Variants in ARMC2 observed in about 807,000 individuals in gnomAD.
ARMC2 encodes armadillo repeat-containing protein 2.
Under a neutral mutation model 90.3 loss-of-function variants are expected in ARMC2, and 67 were observed. That is an observed-to-expected ratio of 0.74 (90% CI 0.61 to 0.91). The LOEUF (loss-of-function observed/expected upper bound fraction) is 0.91. Among genes scored for constraint, ARMC2 ranks in the 40% least tolerant of loss-of-function variants. The pLI is 0.00. For missense variants in ARMC2, 920 were observed against 1,030.9 expected, an observed-to-expected ratio of 0.89 and a Z score of 1.47; for synonymous variants, 393 against 393.0, an observed-to-expected ratio of 1.00 and a Z score of 0.00.
the ARMC2 span, among the ~76,000 whole-genome samples, chr6:109,012,069 A>C: frequency 1.3e-5 from 2 of 152,084 alleles, no homozygotes; most frequent in African/African-American, 2.4e-5. Flanking sequence ...GCTCCTCTCA[A>C]CCTCTAGGGC....
intron 3 of ARMC2, among the ~76,000 whole-genome samples, chr6:108,867,494 C>G (rs1399030260): frequency 1.3e-5 from 2 of 152,070 alleles, no homozygotes; most frequent in Non-Finnish European, 2.9e-5. Context: ...CGGCTGGGCA[C>G]AGTGGCTCAC....
At chr6:108,930,243 G>C (rs1454286245) in intron 11 of ARMC2, among the ~76,000 whole-genome samples, 1 of 151,816 alleles carries the variant, frequency 6.6e-6, no homozygotes, top group East Asian at 1.9e-4. Context: ...TATTTTAGCT[G>C]TCTCCTACAG....
chr6:109,014,791 A>T, the ARMC2 span, among the ~76,000 whole-genome samples: 2 of 152,092 alleles, frequency 1.3e-5, no homozygotes, highest in Non-Finnish European at 2.9e-5. Context: ...TCTCATCTGA[A>T]TCTACCCAAC....
chr6:108,849,638 C>T (rs1227532556), intron 1 of ARMC2, among the ~76,000 whole-genome samples: 1 of 151,998 alleles, frequency 6.6e-6, no homozygotes, highest in Non-Finnish European at 1.5e-5. Flanking sequence ...TTGCTGTATC[C>T]TTTTATCATG....
chr6:108,982,812 C>CT, the ARMC2 span, among the ~76,000 whole-genome samples: 12,348 of 127,188 alleles, frequency 0.097, 738 homozygotes, highest in South Asian at 0.19. Context: ...TTGGACTTTT[C>CT]TTTTTTTTTT....
intron 3 of ARMC2, among the ~76,000 whole-genome samples, chr6:108,867,379 A>G (rs574725374): frequency 6.6e-6 from 1 of 152,262 alleles, no homozygotes; most frequent in African/African-American, 2.4e-5. Flanking sequence ...TTTGTTAGTA[A>G]TGTTCCTCTA....
chr6:108,858,090 T>G (rs1376427253), intron 2 of ARMC2, 109 bp from the exon 3 acceptor site: 2 of 715,364 alleles, frequency 2.8e-6, no homozygotes. Context: ...CCTCATGGTT[T>G]ATGCATTGCA....
chr6:108,922,860 T>G (rs756987817), intron 10 of ARMC2: 4 of 152,238 alleles, frequency 2.6e-5, no homozygotes, highest in Admixed American at 2.0e-4. Flanking sequence ...TTTTCAGTAG[T>G]AGATTGGTAA....
At chr6:108,948,273 A>G (rs1776946777) in intron 12 of ARMC2, among the ~76,000 whole-genome samples, 1 of 152,066 alleles carries the variant, frequency 6.6e-6, no homozygotes, top group Admixed American at 6.6e-5. Context: ...GGCCCTAGAA[A>G]GCTGACTTGC....
chr6:108,873,913 A>G (rs1308061294), intron 4 of ARMC2, among the ~76,000 whole-genome samples: 1 of 152,214 alleles, frequency 6.6e-6, no homozygotes, highest in Non-Finnish European at 1.5e-5. Flanking sequence ...CTCCCCTGCT[A>G]GATAGAGCAA....
At chr6:108,971,355 C>A (rs1001948124) in intron 17 of ARMC2, among the ~76,000 whole-genome samples, 1 of 152,142 alleles carries the variant, frequency 6.6e-6, no homozygotes, top group Non-Finnish European at 1.5e-5. Flanking sequence ...GTGGGGAGAT[C>A]CAGGTTTGCT....
chr6:108,965,130 A>T lies in ARMC2; in HGVS notation c.2436A>T (p.Ser812=). Reference sequence around the variant, plus strand: ...CCAACACACTCTTACTCTTGCTCTCATCATTTTTAGGTAAGACTCTTGACT... The same window carrying T: ...CCAACACACTCTTACTCTTGCTCTCTTCATTTTTAGGTAAGACTCTTGACT... ...EDTNTLLLLL[S]SFLDEELALD... Residue 812 remains serine, a synonymous_variant, in exon 17 of 18, where the codon TCA becomes TCT. Transcript: ENST00000392644. The T allele has an allele frequency of 6.2e-7, 1 of 1,603,718 alleles. No homozygotes were observed. Among genetic ancestry groups the T allele is most frequent in the South Asian group, 1.1e-5 (1 of 90,682 alleles).
At chr6:108,938,467 C>T (rs1583172214) in intron 12 of ARMC2, among the ~76,000 whole-genome samples, 1 of 149,870 alleles carries the variant, frequency 6.7e-6, no homozygotes, top group African/African-American at 2.5e-5. Context: ...GCTGGGATTA[C>T]AGGTGTGAGC....
Position 108,911,002 on chromosome 6 carries a change from G to A in ARMC2, c.1126+1G>A, listed in dbSNP as rs773018738. Reference sequence around the variant, plus strand: ...TTGATTCAAAATGACAGCATTCTGGGTGAGTGTCATTCAGTGCTACTATTG... The same window carrying A: ...TTGATTCAAAATGACAGCATTCTGGATGAGTGTCATTCAGTGCTACTATTG... On this transcript the variant is annotated splice_donor_variant, in intron 9 of 17. Coordinates refer to ENST00000392644, the MANE Select transcript of ARMC2 (RefSeq NM_032131.6). LOFTEE classifies it high-confidence loss of function. The A allele has an allele frequency of 6.4e-7, 1 of 1,555,702 alleles. No individual in the cohort carries two copies. Among genetic ancestry groups the A allele is most frequent in the Non-Finnish European group, 8.7e-7 (1 of 1,142,920 alleles).
chr6:108,992,325 A>G, the ARMC2 span, among the ~76,000 whole-genome samples: 3 of 151,978 alleles, frequency 2.0e-5, no homozygotes, highest in African/African-American at 7.3e-5. Flanking sequence ...CTTGTTGGCC[A>G]GGCTGGTCGT....
intron 5 of ARMC2, among the ~76,000 whole-genome samples, chr6:108,886,549 C>T (rs572755978): frequency 8.1e-4 from 123 of 152,244 alleles, no homozygotes; most frequent in African/African-American, 2.5e-3. Context: ...CCAGCCTGGG[C>T]GACAGAGCGA....
At chr6:109,007,917 G>C in the ARMC2 span, among the ~76,000 whole-genome samples, 2 of 150,636 alleles carry the variant, frequency 1.3e-5, no homozygotes, top group Non-Finnish European at 2.9e-5. Flanking sequence ...TCCGTTTCTT[G>C]AAAGTGTTTA....
At chr6:108,990,744 TA>T in the ARMC2 span, 1 of 1,614,090 alleles carries the variant, frequency 6.2e-7, no homozygotes, top group Non-Finnish European at 8.5e-7. Flanking sequence ...AGTAAGATTG[TA>T]AGCAATGTGA....
the ARMC2 span, among the ~76,000 whole-genome samples, chr6:109,006,491 C>G: frequency 1.4e-5 from 2 of 148,030 alleles, no homozygotes; most frequent in African/African-American, 5.0e-5. Context: ...ATGTTCCCCA[C>G]CCTGTGTCCA....
Sources: allele counts gnomAD v4.1 joint callset (sites outside exome capture counted in the v4.1 genomes callset), GRCh38; gene constraint gnomAD v4.1.1; transcripts MANE v1.5; gene names NCBI Gene and HGNC (gene_info 2026-07-23, HGNC 2026-07-21).